The following STRN3 variants were observed in gnomAD, a reference collection of about 807,000 sequenced individuals.
STRN3 encodes the protein striatin 3.
A neutral mutation model predicts 95.6 loss-of-function variants in STRN3; 29 were observed. The observed-to-expected ratio is 0.30, with a 90% confidence interval of 0.23 to 0.41. The LOEUF is 0.41. Ranked by LOEUF, STRN3 falls within the 10% of genes least tolerant of loss-of-function variation. The pLI is 1.00. For missense variants in STRN3, 890 were observed against 972.1 expected, an observed-to-expected ratio of 0.92 and a Z score of 1.12; for synonymous variants, 331 against 357.6, an observed-to-expected ratio of 0.93 and a Z score of 0.84.
At chr14:30,927,084 G>C (rs991227347) in intron 8 of STRN3, among the ~76,000 whole-genome samples, 1 of 151,842 alleles carries the variant, frequency 6.6e-6, no homozygotes. Context: ...TGGAAGAATG[G>C]CCTGAGGCCA....
chr14:31,007,732 T>C (rs1236040716), intron 1 of STRN3, among the ~76,000 whole-genome samples: 1 of 151,318 alleles, frequency 6.6e-6, no homozygotes, highest in Non-Finnish European at 1.5e-5. Flanking sequence ...CAAGACTCCA[T>C]CTCTACAAAA....
chr14:30,924,926 TG>T (rs1222146808), intron 8 of STRN3, among the ~76,000 whole-genome samples: 1 of 152,186 alleles, frequency 6.6e-6, no homozygotes, highest in Non-Finnish European at 1.5e-5. Flanking sequence ...GTGGGTAACC[TG>T]GGTGAAAAGT....
intron 1 of STRN3, among the ~76,000 whole-genome samples, chr14:30,960,632 G>A (rs1461183244): frequency 6.6e-6 from 1 of 152,122 alleles, no homozygotes; most frequent in East Asian, 1.9e-4. Flanking sequence ...CACTTTGGGA[G>A]GCTGAGGCGG....
intron 1 of STRN3, among the ~76,000 whole-genome samples, chr14:31,019,551 T>C (rs10459420): frequency 2.6e-5 from 4 of 152,234 alleles, no homozygotes; most frequent in East Asian, 1.9e-4. Context: ...AGAGGGGCAA[T>C]GGATGAAACA....
intron 1 of STRN3, among the ~76,000 whole-genome samples, chr14:31,006,485 T>C (rs1415701402): frequency 6.6e-6 from 1 of 151,864 alleles, no homozygotes; most frequent in Admixed American, 6.6e-5. Flanking sequence ...TACCTGAGGT[T>C]AGGAGTTCGA....
Position 30,929,322 on chromosome 14 carries a change from C to T in STRN3, c.989-11G>A, listed in dbSNP as rs373910528. 6.2e-7 allele frequency: 1 copy of T among 1,606,838 alleles called. No homozygotes were observed. The highest frequency in any genetic ancestry group is 8.5e-7 in the Non-Finnish European group (1 of 1,175,746). Reference sequence around the variant, plus strand: ...AGAGGTCATCTTTATCTACATGCAGCATATTATTAAAAGAAAAAAAATCAG... The same window carrying T: ...AGAGGTCATCTTTATCTACATGCAGTATATTATTAAAAGAAAAAAAATCAG... On this transcript the variant is annotated splice_polypyrimidine_tract_variant and intron_variant, in intron 7 of 17. Coordinates refer to ENST00000357479, the MANE Select transcript of STRN3 (RefSeq NM_001083893.2).
chr14:30,919,197 C>T lies in STRN3; in HGVS notation c.1100-91G>A, dbSNP rs527274358. On this transcript the variant is annotated intron_variant, in intron 8 of 17. Transcript: ENST00000357479. ...AAAACCAATTTATTAACAAAACAGACTATTAAGAAGTCCCAGTTATTAAAA... is the reference window on the plus strand; with the variant it reads ...AAAACCAATTTATTAACAAAACAGATTATTAAGAAGTCCCAGTTATTAAAA... 1.2e-5 allele frequency: 16 copies of T among 1,305,424 alleles called. No individual in the cohort carries two copies. The African/African-American group carries it at 1.8e-4, about 15-fold the overall frequency. The allele number at this position is 1,305,424 out of a possible 1,614,324, so 80.9% of individuals were successfully genotyped here.
At chr14:30,957,346 G>C (rs1879966381) in intron 1 of STRN3, among the ~76,000 whole-genome samples, 1 of 151,132 alleles carries the variant, frequency 6.6e-6, no homozygotes, top group African/African-American at 2.4e-5. Flanking sequence ...CCAGCTGCTC[G>C]GGAGGGTGAG....
At chr14:30,970,007 G>T (rs1880744362) in intron 1 of STRN3, among the ~76,000 whole-genome samples, 1 of 152,058 alleles carries the variant, frequency 6.6e-6, no homozygotes, top group South Asian at 2.1e-4. Flanking sequence ...TCCAGTCATG[G>T]ACCACAGTCC....
intron 1 of STRN3, among the ~76,000 whole-genome samples, chr14:30,968,286 C>CA (rs71112363): frequency 0.022 from 1,790 of 82,844 alleles, 37 homozygotes; most frequent in East Asian, 0.19. Flanking sequence ...TTATCATCTT[C>CA]AAAAAAAAAA....
At chr14:30,943,455 C>T (rs1879189539) in intron 5 of STRN3, among the ~76,000 whole-genome samples, 1 of 152,012 alleles carries the variant, frequency 6.6e-6, no homozygotes, top group African/African-American at 2.4e-5. Context: ...AAAGAATCAG[C>T]CAGGTGTGGT....
At chr14:30,977,777 A>G (rs2139215258) in intron 1 of STRN3, among the ~76,000 whole-genome samples, 1 of 147,858 alleles carries the variant, frequency 6.8e-6, no homozygotes, top group East Asian at 2.0e-4. Context: ...CAGGCAAACA[A>G]AACAAGACTC....
At chr14:30,933,139 G>C (rs1878624077) in intron 7 of STRN3, among the ~76,000 whole-genome samples, 1 of 151,672 alleles carries the variant, frequency 6.6e-6, no homozygotes, top group Non-Finnish European at 1.5e-5. Flanking sequence ...AAATTAGCCA[G>C]GTGTGGTCAC....
rs778407926 is a variant in STRN3, at chr14:30,913,631, C to T, written c.1267G>A (p.Gly423Arg). Residue 423 changes from glycine (G) to arginine (R), a missense_variant, in exon 10 of 18, where the codon GGA becomes AGA. This residue lies in a region of STRN3 where 526 missense variants were observed against 526.3 expected (regional missense o/e 1.00). Transcript: ENST00000357479. ...GAACCCATAATAAATGACTTGCCTC[C>T]TCCAGATGGAAACGTTATTGGTTCA... is the stretch of plus-strand genomic sequence containing the variant. ...EAEPITFPSG[G>R]GKSFIMGSDD... is the part of the protein sequence containing the mutation. The T allele has an allele frequency of 6.2e-7, 1 of 1,613,688 alleles. No homozygotes were observed. The highest frequency in any genetic ancestry group is 8.5e-7 in the Non-Finnish European group (1 of 1,179,870).
chr14:30,932,691 TCAGA>T (rs1157150555), intron 7 of STRN3, among the ~76,000 whole-genome samples: 1 of 152,152 alleles, frequency 6.6e-6, no homozygotes, highest in East Asian at 1.9e-4. Flanking sequence ...TCAAAAGTCT[TCAGA>T]CAGAAAGACC....
chr14:31,005,024 T>G (rs1882650661), intron 1 of STRN3, among the ~76,000 whole-genome samples: 1 of 151,944 alleles, frequency 6.6e-6, no homozygotes, highest in African/African-American at 2.4e-5. Context: ...GGTATGGTAA[T>G]CCGCATGTTG....
At chr14:30,935,871 T>C (rs1417523745) in intron 6 of STRN3, among the ~76,000 whole-genome samples, 1 of 152,228 alleles carries the variant, frequency 6.6e-6, no homozygotes, top group East Asian at 1.9e-4. Context: ...CTGTCATTTT[T>C]TTCTTATGTT....
At chr14:31,015,092 G>C (rs1037859665) in intron 1 of STRN3, among the ~76,000 whole-genome samples, 1 of 152,170 alleles carries the variant, frequency 6.6e-6, no homozygotes, top group African/African-American at 2.4e-5. Context: ...GCCTCCCAAA[G>C]TGCTGGGACT....
intron 1 of STRN3, among the ~76,000 whole-genome samples, chr14:30,999,307 G>A (rs566007320): frequency 1.1e-4 from 17 of 152,130 alleles, no homozygotes; most frequent in Non-Finnish European, 1.9e-4. Flanking sequence ...TCGGCCTCCC[G>A]AAGTGCTGGG....
Sources: allele counts gnomAD v4.1 joint callset (sites outside exome capture counted in the v4.1 genomes callset), GRCh38; gene constraint gnomAD v4.1.1; regional missense constraint gnomAD v4.1.1; transcripts MANE v1.5; gene names NCBI Gene and HGNC (gene_info 2026-07-23, HGNC 2026-07-21).